TAPBPL: variants seen among roughly 807,000 people sequenced by gnomAD.
TAPBPL encodes tapasin-related protein.
Under a neutral mutation model 44.8 loss-of-function variants are expected in TAPBPL, and 32 were observed. That is an observed-to-expected ratio of 0.71 (90% CI 0.54 to 0.96). The LOEUF is 0.96. TAPBPL is among the 40% of genes least tolerant of loss of function. The pLI, the probability that TAPBPL is intolerant of heterozygous loss-of-function variation, is 0.00. For synonymous variants in TAPBPL, 230 were observed against 240.7 expected, an observed-to-expected ratio of 0.96 and a Z score of 0.41; for missense variants, 520 against 586.6, an observed-to-expected ratio of 0.89 and a Z score of 1.17.
At chr12:6,458,472 C>A (rs954050956) in intron 4 of TAPBPL, among the ~76,000 whole-genome samples, 173 bp from the exon 5 acceptor site, 1 of 152,128 alleles carries the variant, frequency 6.6e-6, no homozygotes, top group African/African-American at 2.4e-5. Context: ...AACCCTGCCC[C>A]CTTACGGCCT....
chr12:6,451,853 A>G, upstream of TAPBPL: 1 of 294,018 alleles, frequency 3.4e-6, no homozygotes, highest in Non-Finnish European at 6.5e-6. Context: ...GGGGTGAGAA[A>G]GGTCCCCAGG....
downstream of TAPBPL, chr12:6,463,379 G>T: frequency 9.2e-7 from 1 of 1,086,848 alleles, no homozygotes; most frequent in Admixed American, 4.8e-5. The surrounding 1 kb of genome is among the most constrained non-coding windows in gnomAD (Gnocchi z 4.0). Context: ...GGATCGGCCG[G>T]GCCCCAGGAA....
chr12:6,462,280 A>G lies in TAPBPL; in HGVS notation c.*131A>G. Reference sequence around the variant, plus strand: ...TATTTTTTGCCTTTGTTCAGAATACATGACATTGGTAAATATGCCACATGC... The same window carrying G: ...TATTTTTTGCCTTTGTTCAGAATACGTGACATTGGTAAATATGCCACATGC... On this transcript the variant is annotated 3_prime_UTR_variant, in exon 7 of 7. Coordinates refer to ENST00000266556, the MANE Select transcript of TAPBPL (RefSeq NM_018009.5). 1.5e-6 allele frequency: 1 copy of G among 689,428 alleles called. No individual in the cohort carries two copies. Among genetic ancestry groups the G allele is most frequent in the Non-Finnish European group, 2.4e-6 (1 of 414,308 alleles). 42.7% of individuals were successfully genotyped at this position (689,428 alleles called of 1,614,324 possible).
rs576014531 is a variant in TAPBPL, at chr12:6,453,872, G to A, written c.565+156G>A. On this transcript the variant is annotated intron_variant, in intron 3 of 6. Transcript: ENST00000266556. This position sits in a 1 kb window ranked among gnomAD's most constrained non-coding sequence, Gnocchi z 4.8. ...GTCTCTACTAATACCAAAATTAGCC[G>A]GGCATGGTGGCGGGTGCCTGTAATC... 5.9e-5 allele frequency among the ~76,000 whole-genome samples: 9 copies of A among 151,972 alleles called. No individual in the cohort carries two copies. Among genetic ancestry groups the A allele is most frequent in the East Asian group, 1.9e-4 (1 of 5,148 alleles).
At chr12:6,471,194 G>A (rs1592154293), downstream of TAPBPL, among the ~76,000 whole-genome samples, 1 of 152,180 alleles carries the variant, frequency 6.6e-6, no homozygotes, top group East Asian at 1.9e-4. This position sits in a 1 kb window ranked among gnomAD's most constrained non-coding sequence, Gnocchi z 4.0. Flanking sequence ...ACAGCCACAA[G>A]CTCCTGGTGC....
rs749803777 is a variant in TAPBPL, at chr12:6,453,508, G to C, written c.357G>C (p.Glu119Asp). The change falls in exon 3 of 7, where the codon GAG (glutamate) becomes GAC (aspartate). Residue 119 changes from glutamate to aspartate, a missense_variant. Coordinates refer to ENST00000266556, the MANE Select transcript of TAPBPL (RefSeq NM_018009.5). This position sits in a 1 kb window ranked among gnomAD's most constrained non-coding sequence, Gnocchi z 4.8. Reference sequence around the variant, plus strand: ...TCCATGCTGACTGCAGTGGGAAGGAGGTGACCTGTGAGATCTCCCGCTACT... The same window carrying C: ...TCCATGCTGACTGCAGTGGGAAGGACGTGACCTGTGAGATCTCCCGCTACT... ...ALLHADCSGK[E>D]VTCEISRYFL... is the part of the protein sequence containing the mutation. 6.2e-7 allele frequency: 1 copy of C among 1,614,190 alleles called. No individual in the cohort carries two copies. Among genetic ancestry groups the C allele is most frequent in the South Asian group, 1.1e-5 (1 of 91,086 alleles).
intron 3 of TAPBPL, among the ~76,000 whole-genome samples, chr12:6,454,463 G>A (rs76731371): frequency 0.021 from 3,165 of 152,202 alleles, 111 homozygotes; most frequent in African/African-American, 0.072. Context: ...GTGAGACACC[G>A]TCTCAAAAAC....
Position 6,462,042 on chromosome 12 carries a change from G to A in TAPBPL, c.1300G>A (p.Gly434Arg), listed in dbSNP as rs1210029488. The part of the protein sequence containing the change: ...LGLQRRQAPT[G>R]LGLLQAERWE... Reference sequence around the variant, plus strand: ...TCACTTCCTCTTACCAGCACCTACAGGACTTGGGCTGCTTCAGGCTGAACG... The same window carrying A: ...TCACTTCCTCTTACCAGCACCTACAAGACTTGGGCTGCTTCAGGCTGAACG... Residue 434 changes from glycine (G) to arginine (R), a missense_variant, in exon 7 of 7, where the codon GGA becomes AGA. By Grantham distance (125) the Gly-to-Arg change is moderately radical (BLOSUM62 -2). Transcript: ENST00000266556. The A allele has an allele frequency of 1.9e-6, 3 of 1,612,948 alleles. No individual in the cohort carries two copies. The highest frequency in any genetic ancestry group is 2.5e-6 in the Non-Finnish European group (3 of 1,179,226).
chr12:6,465,466 A>AGTGTGC (rs1555130301), downstream of TAPBPL: 1 of 103,200 alleles, frequency 9.7e-6, no homozygotes, highest in African/African-American at 4.7e-5. Flanking sequence ...GTGTATATAT[A>AGTGTGC]GTGTGTGTGT....
chr12:6,463,359 T>G, downstream of TAPBPL: 1 of 1,106,468 alleles, frequency 9.0e-7, no homozygotes, highest in Non-Finnish European at 1.1e-6. This position sits in a 1 kb window ranked among gnomAD's most constrained non-coding sequence, Gnocchi z 4.0. Flanking sequence ...ATGACTTCTC[T>G]GCATCCTGAG....
chr12:6,453,858 T>G lies in TAPBPL; in HGVS notation c.565+142T>G. On this transcript the variant is annotated intron_variant, in intron 3 of 6. Coordinates refer to ENST00000266556, the MANE Select transcript of TAPBPL (RefSeq NM_018009.5). The surrounding 1 kb of genome is among the most constrained non-coding windows in gnomAD (Gnocchi z 4.8). ...CACGGTGAAACCCCGTCTCTACTAATACCAAAATTAGCCGGGCATGGTGGC... is the reference window on the plus strand; with the variant it reads ...CACGGTGAAACCCCGTCTCTACTAAGACCAAAATTAGCCGGGCATGGTGGC... 1 of 1,133,016 alleles carries G rather than the reference T, an allele frequency of 8.8e-7. No homozygotes were observed. Among genetic ancestry groups the G allele is most frequent in the Non-Finnish European group, 1.2e-6 (1 of 832,946 alleles). The allele number at this position is 1,133,016 out of a possible 1,614,324, so 70.2% of individuals were successfully genotyped here.
chr12:6,452,409 G>C (rs1949573979), intron 1 of TAPBPL, 97 bp downstream of exon 1: 2 of 1,489,502 alleles, frequency 1.3e-6, no homozygotes, highest in East Asian at 4.9e-5. Context: ...AAGGGGCCGG[G>C]GATGACCCCA....
downstream of TAPBPL, chr12:6,464,812 A>C: frequency 6.4e-7 from 1 of 1,561,344 alleles, no homozygotes; most frequent in African/African-American, 1.4e-5. Context: ...CCCACTCCCC[A>C]GGCAGGCAGG....
chr12:6,452,576 C>T, intron 1 of TAPBPL: 1 of 1,364,150 alleles, frequency 7.3e-7, no homozygotes, highest in Non-Finnish European at 9.4e-7. Context: ...AGAGAGGGCA[C>T]TGGCCTGGGA....
chr12:6,462,666 G>A (rs1949907376), downstream of TAPBPL: 2 of 748,970 alleles, frequency 2.7e-6, no homozygotes, highest in Non-Finnish European at 4.3e-6. Context: ...TGATAGGGCT[G>A]GGAGAGCCAA....
downstream of TAPBPL, chr12:6,466,094 C>T: frequency 6.2e-7 from 1 of 1,611,406 alleles, no homozygotes; most frequent in Non-Finnish European, 8.5e-7. Context: ...CCCTGTGCAA[C>T]TCTAAAGGGT....
chr12:6,456,813 C>A (rs1008335840), intron 3 of TAPBPL, among the ~76,000 whole-genome samples: 1 of 151,962 alleles, frequency 6.6e-6, no homozygotes, highest in African/African-American at 2.4e-5. Flanking sequence ...CCACCATGCC[C>A]GGCTAATTTT....
chr12:6,458,432 T>C (rs994360572), intron 4 of TAPBPL, among the ~76,000 whole-genome samples: 2 of 151,762 alleles, frequency 1.3e-5, no homozygotes. Context: ...AATCTTTAGT[T>C]GGCTTTACTA....
chr12:6,458,534 C>T lies in TAPBPL; in HGVS notation c.905-111C>T, dbSNP rs1327947328. 16 of 1,328,900 alleles carry T rather than the reference C, an allele frequency of 1.2e-5. No homozygotes were observed. In the South Asian group the frequency reaches 2.0e-4, roughly 17 times the overall value. The allele number at this position is 1,328,900 out of a possible 1,614,324, so 82.3% of individuals were successfully genotyped here. A position where few individuals can be genotyped will look rare whatever the true frequency, so the allele number is the denominator to read the frequency against. ...CCCGCCTTGGTACACCACCAAGGGACACTGTAGCCTCCACAATCTACTCTC... is the reference window on the plus strand; with the variant it reads ...CCCGCCTTGGTACACCACCAAGGGATACTGTAGCCTCCACAATCTACTCTC... On this transcript the variant is annotated intron_variant, in intron 4 of 6. Transcript: ENST00000266556.
Sources: allele counts gnomAD v4.1 joint callset (sites outside exome capture counted in the v4.1 genomes callset), GRCh38; gene constraint gnomAD v4.1.1; non-coding constraint Gnocchi (gnomAD v3.1); transcripts MANE v1.5; gene names NCBI Gene and HGNC (gene_info 2026-07-23, HGNC 2026-07-21).